GLYATL1: variants seen among roughly 807,000 people sequenced by gnomAD.
The protein encoded by GLYATL1 is glycine N-acyltransferase-like protein 1.
GLYATL1 carries 15 observed loss-of-function variants against 20.0 expected under a neutral mutation model. The ratio of observed to expected loss-of-function variants is 0.75; its 90% CI spans 0.50 to 1.15. The LOEUF (loss-of-function observed/expected upper bound fraction) is 1.15, where lower values mean the gene tolerates loss of function less well. GLYATL1 is among the 50% of genes most tolerant of loss of function. The probability of loss-of-function intolerance (pLI) is 0.00; values close to 1 mark genes in which losing one functional copy is unlikely to be tolerated. For synonymous variants in GLYATL1, 151 were observed against 131.5 expected (o/e 1.15, Z -1.01); for missense variants, 380 against 368.5 (o/e 1.03, Z -0.26).
intron 1 of GLYATL1, among the ~76,000 whole-genome samples, chr11:58,922,454 C>T (rs1590771604): frequency 1.3e-5 from 2 of 150,886 alleles, no homozygotes; most frequent in Admixed American, 1.3e-4. Flanking sequence ...TCTTCTTTCC[C>T]TGAGAGGCAT....
At chr11:58,945,549 G>A (rs1439036384) in intron 2 of GLYATL1, among the ~76,000 whole-genome samples, 1 of 152,142 alleles carries the variant, frequency 6.6e-6, no homozygotes, top group African/African-American at 2.4e-5. Flanking sequence ...CAGGGCAAAT[G>A]GAACACAAGT....
chr11:58,955,720 G>C lies in GLYATL1; in HGVS notation c.602G>C (p.Cys201Ser). ...AGGAGCCTGCATTACATCAAGCGCT[G>C]CATAGAAGACCTGCCAGCAGCCTGT... ...NERSLHYIKR[C>S]IEDLPAACML... is the part of the protein sequence containing the mutation. Residue 201 changes from cysteine (C) to serine (S), a missense_variant, in exon 7 of 7, where the codon TGC becomes TCC. Physicochemically the swap from Cys to Ser is moderately radical, Grantham distance 112. Transcript: ENST00000532726. The C allele has an allele frequency of 6.2e-7, 1 of 1,614,206 alleles. No homozygotes were observed. Among genetic ancestry groups the C allele is most frequent in the East Asian group, 2.2e-5 (1 of 44,892 alleles).
chr11:58,919,144 C>T (rs907641918), intron 1 of GLYATL1, among the ~76,000 whole-genome samples: 1 of 152,224 alleles, frequency 6.6e-6, no homozygotes, highest in Non-Finnish European at 1.5e-5. Flanking sequence ...TTCTTTCCTG[C>T]ACCCAGCCAT....
chr11:58,931,931 G>A (rs1207863643), intron 1 of GLYATL1, among the ~76,000 whole-genome samples: 2 of 151,856 alleles, frequency 1.3e-5, no homozygotes, highest in Non-Finnish European at 2.9e-5. Context: ...CCAATATGGT[G>A]AAATCCCATC....
chr11:58,909,687 A>G (rs1011881673), downstream of GLYATL1, among the ~76,000 whole-genome samples: 2 of 152,348 alleles, frequency 1.3e-5, no homozygotes, highest in Admixed American at 6.5e-5. Context: ...GGAGAATTCA[A>G]TAATGTAGTA....
chr11:58,943,453 G>A, intron 1 of GLYATL1, 90 bp from the exon 2 acceptor site: 3 of 1,530,774 alleles, frequency 2.0e-6, no homozygotes, highest in South Asian at 1.2e-5. Context: ...TGAATCTGCT[G>A]TGATTTTGTA....
Position 58,943,590 on chromosome 11 carries a change from A to G in GLYATL1, c.-119A>G, listed in dbSNP as rs1856336709. On this transcript the variant is annotated 5_prime_UTR_variant, in exon 2 of 7. Transcript: ENST00000532726. ...AAGTGGAGCTTCTAGTATCCCCAGG[A>G]GCGCGAAGTGAACACGGAAGGTACC... 1.2e-6 allele frequency: 2 copies of G among 1,613,528 alleles called. No individual in the cohort carries two copies. Among genetic ancestry groups the G allele is most frequent in the Non-Finnish European group, 1.7e-6 (2 of 1,179,686 alleles).
chr11:58,906,427 C>A (rs1438902942), intron 1 of GLYATL1, among the ~76,000 whole-genome samples: 1 of 152,108 alleles, frequency 6.6e-6, no homozygotes, highest in Non-Finnish European at 1.5e-5. Context: ...AAACTTTATT[C>A]ACTGATCAGG....
intron 1 of GLYATL1, chr11:58,928,345 T>G (rs914194127): frequency 6.6e-6 from 1 of 152,198 alleles, no homozygotes; most frequent in Non-Finnish European, 1.5e-5. Flanking sequence ...ACCACGCGGT[T>G]TTTCTTCACC....
chr11:58,953,871 ATTG>A (rs1857189716), intron 4 of GLYATL1, among the ~76,000 whole-genome samples: 3 of 152,190 alleles, frequency 2.0e-5, no homozygotes, highest in Admixed American at 2.0e-4. Flanking sequence ...GCTCACACTT[ATTG>A]TTTATATTTT....
upstream of GLYATL1, among the ~76,000 whole-genome samples, chr11:58,937,710 AG>A (rs1320214168): frequency 1.3e-5 from 2 of 152,330 alleles, no homozygotes; most frequent in Admixed American, 1.3e-4. Flanking sequence ...GATCTTGCAA[AG>A]GCAACTCTCC....
Position 58,919,130 on chromosome 11 carries a change from G to A in GLYATL1, n.264+13469G>A, listed in dbSNP as rs1350142593. ...GTATACAGTGTCTGTCAGACTTATA[G>A]GCATTCTTTCCTGCACCCAGCCATG... On this transcript the variant is annotated intron_variant and non_coding_transcript_variant, in intron 1 of 2. Transcript: ENST00000534674. Among the ~76,000 whole-genome samples, 4 of 152,328 alleles carry A rather than the reference G, an allele frequency of 2.6e-5. No homozygotes were observed. In the East Asian group the frequency reaches 7.7e-4, roughly 29 times the overall value.
intron 1 of GLYATL1, among the ~76,000 whole-genome samples, chr11:58,915,508 G>T (rs1447065797): frequency 6.6e-6 from 1 of 152,142 alleles, no homozygotes; most frequent in African/African-American, 2.4e-5. Flanking sequence ...AGGTAGCTGG[G>T]CCTGGCCAGC....
At chr11:58,935,321 T>C (rs1855782979), upstream of GLYATL1, 1 of 152,236 alleles carries the variant, frequency 6.6e-6, no homozygotes, top group African/African-American at 2.4e-5. Flanking sequence ...AGGCTCTGCG[T>C]TGGAGTCCAA....
rs528752783 is a variant in GLYATL1 at position 58,952,373 on chromosome 11, T to C, written c.187-2397T>C. ...TATATGCTACTGAATATTTTATTCA[T>C]AATTTTTGTATCTGCATGCATAAGG... On this transcript the variant is annotated intron_variant, in intron 4 of 6. Transcript: ENST00000532726. Among the ~76,000 whole-genome samples, 9 of 152,320 alleles carry C rather than the reference T, an allele frequency of 5.9e-5. No homozygotes were observed. In the East Asian group the frequency reaches 1.7e-3, roughly 29 times the overall value.
At chr11:58,951,982 A>G (rs1372597779) in intron 4 of GLYATL1, among the ~76,000 whole-genome samples, 1 of 152,132 alleles carries the variant, frequency 6.6e-6, no homozygotes, top group Non-Finnish European at 1.5e-5. Flanking sequence ...CTGCTTTGCC[A>G]GTATTTGTAT....
In GLYATL1 at chr11:58,954,894, A is replaced by G. The variant is rs1160856752; in HGVS notation, c.311A>G (p.Gln104Arg). ...AACTGGAAACAGAGACTCCAAATCC[A>G]AGGTAACGAGTCTGAAGAAATGGGC... ...IVNWKQRLQI[Q>R]GLQESLGEGI... Residue 104 changes from glutamine (Q) to arginine (R), a missense_variant and splice_region_variant, in exon 5 of 7, where the codon CAA becomes CGA. Physicochemically the swap from Gln to Arg is conservative, Grantham distance 43 (BLOSUM62 1). Coordinates refer to ENST00000532726, the MANE Select transcript of GLYATL1 (RefSeq NM_001389712.2). 6.2e-7 allele frequency: 1 copy of G among 1,606,308 alleles called. No individual in the cohort carries two copies. Among genetic ancestry groups the G allele is most frequent in the East Asian group, 2.2e-5 (1 of 44,868 alleles).
intron 1 of GLYATL1, among the ~76,000 whole-genome samples, chr11:58,916,288 T>C (rs1269701375): frequency 6.6e-6 from 1 of 152,214 alleles, no homozygotes; most frequent in African/African-American, 2.4e-5. Flanking sequence ...GTTTGACATG[T>C]TTGCTTCTCT....
upstream of GLYATL1, among the ~76,000 whole-genome samples, chr11:58,939,267 T>C (rs1855977738): frequency 6.6e-6 from 1 of 152,172 alleles, no homozygotes; most frequent in Non-Finnish European, 1.5e-5. Context: ...CTACACATTG[T>C]TACATTTCTT....
Sources: gnomAD v4.1 joint callset for allele counts (sites outside exome capture counted in the v4.1 genomes callset) on GRCh38, gnomAD v4.1.1 for gene constraint, MANE v1.5 for transcripts, NCBI Gene and HGNC (gene_info 2026-07-23, HGNC 2026-07-21) for gene names.